The following KIAA1549 variants were observed in gnomAD, a reference collection of about 807,000 sequenced individuals.
KIAA1549 encodes the protein UPF0606 protein KIAA1549.
Under a neutral mutation model 156.4 loss-of-function variants are expected in KIAA1549, and 70 were observed. That is an observed-to-expected ratio of 0.45 (90% CI 0.37 to 0.55). KIAA1549 has a LOEUF of 0.55. KIAA1549 is among the 20% of genes least tolerant of loss of function. The pLI, the probability that KIAA1549 is intolerant of heterozygous loss-of-function variation, is 0.00. For missense variants in KIAA1549, 2,428 were observed against 2,540.9 expected, an observed-to-expected ratio of 0.96 and a Z score of 0.96; for synonymous variants, 1,103 against 1,066.4, an observed-to-expected ratio of 1.03 and a Z score of -0.67.
chr7:138,864,679 A>G (rs533328408), intron 15 of KIAA1549, among the ~76,000 whole-genome samples: 8 of 152,320 alleles, frequency 5.3e-5, no homozygotes, highest in African/African-American at 1.9e-4. Flanking sequence ...GAGGGTGACC[A>G]GACAGCCTGG....
chr7:138,851,866 AG>A (rs1324944740), intron 17 of KIAA1549, among the ~76,000 whole-genome samples: 1 of 152,222 alleles, frequency 6.6e-6, no homozygotes, highest in East Asian at 1.9e-4. Flanking sequence ...TGGAATCCGC[AG>A]GTGTCCCTGG....
Position 138,894,389 on chromosome 7 carries a change from G to A in KIAA1549, c.3985C>T (p.Leu1329=), listed in dbSNP as rs767113485. The change falls in exon 10 of 20, where the codon CTA becomes TTA. Residue 1329 remains leucine (L), a synonymous_variant. Transcript: ENST00000422774. Reference sequence around the variant, plus strand: ...GCCACAGTGTCAGGCTGAAAGTCTAGCTTGTCTGTGCGGCATAGTTTCCAG... The same window carrying A: ...GCCACAGTGTCAGGCTGAAAGTCTAACTTGTCTGTGCGGCATAGTTTCCAG... ...LYWKLCRTDK[L]DFQPDTVANI... is the part of the protein sequence containing the mutation. The A allele has an allele frequency of 1.6e-5, 26 of 1,613,882 alleles. No individual in the cohort carries two copies. The African/African-American group carries it at 3.5e-4, about 22-fold the overall frequency.
chr7:138,975,800 T>C (rs762845525), intron 1 of KIAA1549, among the ~76,000 whole-genome samples: 1 of 152,224 alleles, frequency 6.6e-6, no homozygotes, highest in Non-Finnish European at 1.5e-5. Context: ...CAACCTAGTG[T>C]AATTATAATG....
chr7:138,902,116 T>C (rs549118538), intron 8 of KIAA1549, among the ~76,000 whole-genome samples: 92 of 152,360 alleles, frequency 6.0e-4, no homozygotes, highest in Non-Finnish European at 9.7e-4. Flanking sequence ...ATTCGTTTAA[T>C]GATTACTCTC....
Position 138,869,133 on chromosome 7 carries a change from G to A in KIAA1549, c.4775+405C>T, listed in dbSNP as rs140404277. ...GCCAGCCTGGGTGGCTCCGGGAGAT[G>A]AAAATATTGGAGGTGACAGAGTGGG... On this transcript the variant is annotated intron_variant, in intron 14 of 19. Transcript: ENST00000422774. Among the ~76,000 whole-genome samples the A allele has an allele frequency of 6.9e-3, 1,044 of 152,302 alleles. 12 individuals carry two copies. Among genetic ancestry groups the A allele is most frequent in the Non-Finnish European group, 7.8e-3 (533 of 68,028 alleles).
intron 1 of KIAA1549, 117 bp downstream of exon 1, chr7:138,980,966 C>T: frequency 3.2e-6 from 3 of 945,270 alleles, no homozygotes; most frequent in Non-Finnish European, 2.6e-6. Flanking sequence ...CCAGAAAGGA[C>T]GGCGAGGGAG....
intron 12 of KIAA1549, among the ~76,000 whole-genome samples, chr7:138,873,335 CCTGA>C (rs1810990196): frequency 2.0e-5 from 3 of 152,180 alleles, no homozygotes; most frequent in Non-Finnish European, 2.9e-5. Flanking sequence ...CTAGAAGGAA[CCTGA>C]CTATTTGTGC....
intron 11 of KIAA1549, 32 bp downstream of exon 11, chr7:138,881,356 A>G (rs779967965): frequency 6.3e-7 from 1 of 1,591,414 alleles, no homozygotes; most frequent in African/African-American, 1.3e-5. Context: ...ATGCTCTGCA[A>G]CAAAGAATAA....
Position 138,911,241 on chromosome 7 carries a change from A to C in KIAA1549, c.3050T>G (p.Leu1017Arg). 1 of 1,603,546 alleles carries C rather than the reference A, an allele frequency of 6.2e-7. No individual in the cohort carries two copies. The highest frequency in any genetic ancestry group is 8.5e-7 in the Non-Finnish European group (1 of 1,174,580). Residue 1017 changes from leucine (L) to arginine (R), a missense_variant, in exon 4 of 20, where the codon CTT becomes CGT. By Grantham distance (102) the Leu-to-Arg change is moderately radical (BLOSUM62 -2). Around this residue, in one of 5 missense-constraint regions of KIAA1549, gnomAD observed 762 missense variants for 901.6 expected, o/e 0.85. Coordinates refer to ENST00000422774, the MANE Select transcript of KIAA1549 (RefSeq NM_001164665.2). ...VYTAISVINV[L>R]INSKLVRDQT... ...GTCACGGACAAGCTTACTGTTTATAAGCACATTTATGACGGATATTGCCGT... is the reference window on the plus strand; with the variant it reads ...GTCACGGACAAGCTTACTGTTTATACGCACATTTATGACGGATATTGCCGT...
At chr7:138,948,150 C>A (rs1366424240) in intron 1 of KIAA1549, among the ~76,000 whole-genome samples, 1 of 152,172 alleles carries the variant, frequency 6.6e-6, no homozygotes, top group Non-Finnish European at 1.5e-5. Context: ...CTAACCCCCA[C>A]TATCTCAGAA....
intron 1 of KIAA1549, among the ~76,000 whole-genome samples, chr7:138,963,249 C>G (rs6954036): frequency 0.22 from 33,745 of 152,208 alleles, 4,538 homozygotes; most frequent in African/African-American, 0.37. Flanking sequence ...GGCAAGCACA[C>G]TTCCCAGAAC....
At chr7:138,961,846 G>GAAAAAAAAAA (rs35074532) in intron 1 of KIAA1549, among the ~76,000 whole-genome samples, 1 of 94,030 alleles carries the variant, frequency 1.1e-5, no homozygotes. Flanking sequence ...TGTCTCTTAA[G>GAAAAAAAAAA]AAAAAAAAAA....
At chr7:138,867,652 T>A (rs1175403899) in intron 15 of KIAA1549, among the ~76,000 whole-genome samples, 2 of 152,202 alleles carry the variant, frequency 1.3e-5, no homozygotes, top group Non-Finnish European at 1.5e-5. Flanking sequence ...TCTCTCTGTT[T>A]TCCAGTTAAC....
chr7:138,856,902 C>G (rs78104504), intron 16 of KIAA1549, among the ~76,000 whole-genome samples: 4,216 of 152,256 alleles, frequency 0.028, 189 homozygotes, highest in African/African-American at 0.096. Flanking sequence ...CAGCCCTCCC[C>G]AATATGGGCA....
At chr7:138,902,958 T>C (rs918142231) in intron 8 of KIAA1549, among the ~76,000 whole-genome samples, 1 of 152,212 alleles carries the variant, frequency 6.6e-6, no homozygotes, top group African/African-American at 2.4e-5. Context: ...CTTTGGTTGG[T>C]TGAATTTTAG....
At position 138,902,137 on chromosome 7, in the gene KIAA1549, AGTT is replaced by A. The variant is rs540724421; in HGVS notation, c.3669+1448_3669+1450del. ...TTAATGATTACTCTCAATTGTGATT[AGTT>A]TTTAAATTTCTCTGTAACTTACTGC... On this transcript the variant is annotated intron_variant, in intron 8 of 19. Coordinates refer to ENST00000422774, the MANE Select transcript of KIAA1549 (RefSeq NM_001164665.2). Among the ~76,000 whole-genome samples the A allele has an allele frequency of 5.0e-3, 755 of 152,318 alleles. 4 individuals are homozygous for A. The highest frequency in any genetic ancestry group is 0.01 in the Middle Eastern group (3 of 294).
intron 1 of KIAA1549, among the ~76,000 whole-genome samples, chr7:138,970,650 T>C (rs1207257442): frequency 1.3e-5 from 2 of 152,176 alleles, no homozygotes; most frequent in East Asian, 3.9e-4. Flanking sequence ...CCTTCTGCAT[T>C]GCTGACAAGC....
chr7:138,867,897 G>A, intron 15 of KIAA1549, 78 bp downstream of exon 15: 2 of 1,493,262 alleles, frequency 1.3e-6, no homozygotes, highest in South Asian at 1.2e-5. Context: ...CAGTGCTGCT[G>A]CTTCTCCTCC....
chr7:138,931,132 G>A (rs115303136), intron 1 of KIAA1549, among the ~76,000 whole-genome samples: 3 of 152,132 alleles, frequency 2.0e-5, no homozygotes, highest in African/African-American at 4.8e-5. Flanking sequence ...TTGTATATGG[G>A]CAGAGTTTGC....
Sources: gnomAD v4.1 joint callset for allele counts (sites outside exome capture counted in the v4.1 genomes callset) on GRCh38, gnomAD v4.1.1 for gene constraint, gnomAD v4.1.1 regional missense constraint, MANE v1.5 for transcripts, NCBI Gene and HGNC (gene_info 2026-07-23, HGNC 2026-07-21) for gene names.